The following GOLGA2 variants were observed in gnomAD, a reference collection of about 807,000 sequenced individuals.
GOLGA2 encodes the protein golgin A2, also known as golgin subfamily A member 2.
GOLGA2 carries 49 observed loss-of-function variants against 148.8 expected under a neutral mutation model. The ratio of observed to expected loss-of-function variants is 0.33; its 90% confidence interval spans 0.26 to 0.42. The LOEUF (loss-of-function observed/expected upper bound fraction) is 0.42. Among genes scored for constraint, GOLGA2 ranks in the 10% least tolerant of loss-of-function variants. GOLGA2 has a pLI of 1.00. For missense variants in GOLGA2, 1,178 were observed against 1,304.6 expected (o/e 0.90, Z 1.49); for synonymous variants, 501 against 511.8 (o/e 0.98, Z 0.28).
At position 128,275,881 on chromosome 9, in the gene GOLGA2, G is replaced by T. The variant is rs373778000; in HGVS notation, c.84+12C>A. 3.4e-6 allele frequency: 5 copies of T among 1,488,912 alleles called. No homozygotes were observed. The highest frequency in any genetic ancestry group is 4.6e-6 in the Non-Finnish European group (5 of 1,090,050). The allele number at this position is 1,488,912 out of a possible 1,614,324, so 92.2% of individuals were successfully genotyped here. A position where few individuals can be genotyped will look rare whatever the true frequency, so the allele number is the denominator to read the frequency against. ...GGGCTGGGTCGGGGGGCCGCGACCC[G>T]GTGCACTTTACCTTTTTCTTCGCTG... is the stretch of plus-strand genomic sequence containing the variant. On this transcript the variant is annotated intron_variant, in intron 1 of 26. Transcript: ENST00000611957.
intron 14 of GOLGA2, 122 bp downstream of exon 14, chr9:128,262,441 A>G: frequency 1.3e-6 from 1 of 774,934 alleles, no homozygotes. Context: ...TTATGCCAGG[A>G]CCGGAACAAG....
rs1830948094 is a variant in GOLGA2, at chr9:128,271,574, A to G, written c.288+1211T>C. Reference sequence around the variant, plus strand: ...TTCCTGAAAGGTGCTCTGTGAGTTCACACTCTGGCCACGGCCTCACCGCTC... The same window carrying G: ...TTCCTGAAAGGTGCTCTGTGAGTTCGCACTCTGGCCACGGCCTCACCGCTC... On this transcript the variant is annotated intron_variant, in intron 3 of 26. Transcript: ENST00000611957. The surrounding 1 kb of genome is among the most constrained non-coding windows in gnomAD (Gnocchi z 4.4). Among the ~76,000 whole-genome samples, 1 of 151,766 alleles carries G rather than the reference A, an allele frequency of 6.6e-6. No individual in the cohort carries two copies. The highest frequency in any genetic ancestry group is 1.5e-5 in the Non-Finnish European group (1 of 67,918).
chr9:128,268,599 G>A, intron 3 of GOLGA2, 75 bp from the exon 4 acceptor site: 2 of 760,754 alleles, frequency 2.6e-6, no homozygotes, highest in Non-Finnish European at 2.3e-6. Flanking sequence ...CAAGGGTGTG[G>A]AACAGGTAGG....
rs552030960 is a variant in GOLGA2, at chr9:128,258,798, G to C, written c.2173+209C>G. 1 of 619,202 alleles carries C rather than the reference G, an allele frequency of 1.6e-6. No homozygotes were observed. Among genetic ancestry groups the C allele is most frequent in the East Asian group, 2.7e-5 (1 of 36,638 alleles). 38.4% of individuals were successfully genotyped at this position (619,202 alleles called of 1,614,324 possible). A position where few individuals can be genotyped will look rare whatever the true frequency, so the allele number is the denominator to read the frequency against. Reference sequence around the variant, plus strand: ...GGGAGTTCTGACCTGCTTCATTTCTGACCTGGGCCAGTTCACCCATCCTTA... The same window carrying C: ...GGGAGTTCTGACCTGCTTCATTTCTCACCTGGGCCAGTTCACCCATCCTTA... On this transcript the variant is annotated intron_variant, in intron 21 of 26. Coordinates refer to ENST00000611957, the MANE Select transcript of GOLGA2 (RefSeq NM_001366244.2). The surrounding 1 kb of genome is among the most constrained non-coding windows in gnomAD (Gnocchi z 6.6).
In GOLGA2 at chr9:128,257,710, G is replaced by A. The variant is rs1201124302; in HGVS notation, c.2612-3C>T. 1.2e-6 allele frequency: 2 copies of A among 1,613,510 alleles called. No homozygotes were observed. Among genetic ancestry groups the A allele is most frequent in the Admixed American group, 1.7e-5 (1 of 60,022 alleles). ...CTGGTACAGTGCAATGTACTCTCCT[G>A]CGGGAGGACAGGGCTCAGATGCTGG... is the stretch of plus-strand genomic sequence containing the variant. On this transcript the variant is annotated splice_region_variant and splice_polypyrimidine_tract_variant and intron_variant, in intron 24 of 26. Coordinates refer to ENST00000611957, the MANE Select transcript of GOLGA2 (RefSeq NM_001366244.2). This position sits in a 1 kb window ranked among gnomAD's most constrained non-coding sequence, Gnocchi z 8.0.
In GOLGA2 at chr9:128,258,621, G is replaced by A. The variant is rs1468815477; in HGVS notation, c.2174-51C>T. On this transcript the variant is annotated intron_variant, in intron 21 of 26. Coordinates refer to ENST00000611957, the MANE Select transcript of GOLGA2 (RefSeq NM_001366244.2). This position sits in a 1 kb window ranked among gnomAD's most constrained non-coding sequence, Gnocchi z 6.6. ...CAGACAACCCAACAAGGGTACAGTGGGCCCACCTCTGCCCCCACCCTCACT... is the reference window on the plus strand; with the variant it reads ...CAGACAACCCAACAAGGGTACAGTGAGCCCACCTCTGCCCCCACCCTCACT... 1.5e-6 allele frequency: 2 copies of A among 1,368,278 alleles called. No individual in the cohort carries two copies. Among genetic ancestry groups the A allele is most frequent in the Non-Finnish European group, 2.0e-6 (2 of 989,040 alleles). The allele number at this position is 1,368,278 out of a possible 1,614,324, so 84.8% of individuals were successfully genotyped here.
In GOLGA2 at chr9:128,259,407, G is replaced by C; in HGVS notation, c.1873-16C>G. ...TCAGCTCCACCTGTAGGAAGACCCT[G>C]GGCGTGAGGGCAGGTGGTGGCCTGC... is the stretch of plus-strand genomic sequence containing the variant. On this transcript the variant is annotated splice_polypyrimidine_tract_variant and intron_variant, in intron 19 of 26. Transcript: ENST00000611957. 6.6e-7 allele frequency: 1 copy of C among 1,508,558 alleles called. No individual in the cohort carries two copies. Among genetic ancestry groups the C allele is most frequent in the Non-Finnish European group, 9.0e-7 (1 of 1,107,404 alleles). 93.4% of individuals were successfully genotyped at this position (1,508,558 alleles called of 1,614,324 possible).
rs1830939422 is a variant in GOLGA2, at chr9:128,271,428, C to G, written c.288+1357G>C. ...CTCTATTCGTGCCCTGCTCCTCTGG[C>G]TTGGCAGGAAGGAGTCCCCCAGGTG... On this transcript the variant is annotated intron_variant, in intron 3 of 26. Coordinates refer to ENST00000611957, the MANE Select transcript of GOLGA2 (RefSeq NM_001366244.2). The surrounding 1 kb of genome is among the most constrained non-coding windows in gnomAD (Gnocchi z 4.4). Among the ~76,000 whole-genome samples the G allele has an allele frequency of 6.6e-6, 1 of 152,204 alleles. No homozygotes were observed. Among genetic ancestry groups the G allele is most frequent in the Admixed American group, 6.5e-5 (1 of 15,286 alleles).
intron 2 of GOLGA2, among the ~76,000 whole-genome samples, chr9:128,273,142 C>T (rs1465394227): frequency 2.6e-5 from 4 of 152,172 alleles, no homozygotes; most frequent in African/African-American, 7.2e-5. Context: ...CCTGTTTGGA[C>T]CCTTCTCCTT....
At chr9:128,267,654 A>G in intron 6 of GOLGA2, 137 bp from the exon 7 acceptor site, 1 of 711,154 alleles carries the variant, frequency 1.4e-6, no homozygotes, top group South Asian at 1.6e-5. Context: ...CTTTGTGCCA[A>G]CTTCTCTCAT....
chr9:128,260,359 G>C lies in GOLGA2; in HGVS notation c.1758+106C>G. The C allele has an allele frequency of 1.8e-6, 2 of 1,119,174 alleles. No homozygotes were observed. Among genetic ancestry groups the C allele is most frequent in the Non-Finnish European group, 1.3e-6 (1 of 750,628 alleles). 69.3% of individuals were successfully genotyped at this position (1,119,174 alleles called of 1,614,324 possible). On this transcript the variant is annotated intron_variant, in intron 18 of 26. Transcript: ENST00000611957. This position sits in a 1 kb window ranked among gnomAD's most constrained non-coding sequence, Gnocchi z 4.8. ...GGGCTCTGGCTCACAGATGCCTCCA[G>C]AAGTACCATTTCAAGTGAGGGCTAC...
At chr9:128,269,579 C>A (rs951377822) in intron 3 of GOLGA2, among the ~76,000 whole-genome samples, 1 of 152,172 alleles carries the variant, frequency 6.6e-6, no homozygotes, top group Non-Finnish European at 1.5e-5. Context: ...TTGATCAGAG[C>A]CCCACCCAGC....
Position 128,257,577 on chromosome 9 carries a change from C to G in GOLGA2, c.2718+24G>C. 1 of 1,614,088 alleles carries G rather than the reference C, an allele frequency of 6.2e-7. No individual in the cohort carries two copies. Among genetic ancestry groups the G allele is most frequent in the East Asian group, 2.2e-5 (1 of 44,884 alleles). ...TGCCCATGCCCGTGCCCACCTCCAC[C>G]CCCAGAGATGTTCCACACCCTACCT... On this transcript the variant is annotated intron_variant, in intron 25 of 26. Coordinates refer to ENST00000611957, the MANE Select transcript of GOLGA2 (RefSeq NM_001366244.2). This position sits in a 1 kb window ranked among gnomAD's most constrained non-coding sequence, Gnocchi z 8.0.
intron 2 of GOLGA2, chr9:128,273,638 A>G (rs1831097546): frequency 1.7e-6 from 1 of 576,828 alleles, no homozygotes; most frequent in Admixed American, 3.3e-5. Context: ...AAACTTCACA[A>G]GTGTAAGTAA....
chr9:128,268,226 AG>A, intron 4 of GOLGA2, 66 bp from the exon 5 acceptor site: 1 of 1,403,910 alleles, frequency 7.1e-7, no homozygotes, highest in Non-Finnish European at 1.0e-6. Flanking sequence ...GGATGGGGTG[AG>A]TCAAGCTCCC....
rs761346021 is a variant in GOLGA2, at chr9:128,257,820, T to C, written c.2581A>G (p.Ile861Val). ...ERVEELEHRCIQLSGETDTIG... is the reference protein window; with the variant it reads ...ERVEELEHRCVQLSGETDTIG... ...GTGTCTGTCTCTCCAGAAAGCTGGATGCAGCGATGTTCCAGTTCCTCTACC... is the reference window on the plus strand; with the variant it reads ...GTGTCTGTCTCTCCAGAAAGCTGGACGCAGCGATGTTCCAGTTCCTCTACC... The change falls in exon 24 of 27, where the codon ATC (isoleucine) becomes GTC (valine). Residue 861 changes from isoleucine (I) to valine (V), a missense_variant. This residue lies in a region of GOLGA2 where 38 missense variants were observed against 67.3 expected (regional missense o/e 0.56). Coordinates refer to ENST00000611957, the MANE Select transcript of GOLGA2 (RefSeq NM_001366244.2). The surrounding 1 kb of genome is among the most constrained non-coding windows in gnomAD (Gnocchi z 8.0). 10 of 1,614,172 alleles carry C rather than the reference T, an allele frequency of 6.2e-6. No homozygotes were observed. Among genetic ancestry groups the C allele is most frequent in the East Asian group, 2.2e-5 (1 of 44,872 alleles).
Position 128,258,397 on chromosome 9 carries a change from G to A in GOLGA2, c.2289+58C>T, listed in dbSNP as rs1434012906. On this transcript the variant is annotated intron_variant, in intron 22 of 26. Coordinates refer to ENST00000611957, the MANE Select transcript of GOLGA2 (RefSeq NM_001366244.2). This position sits in a 1 kb window ranked among gnomAD's most constrained non-coding sequence, Gnocchi z 6.6. ...GCCGGGAAACCAAGAGCAGAAGGGG[G>A]TCTGGGAGGGACCACAGAGGGAGGC... The A allele has an allele frequency of 1.4e-6, 2 of 1,445,468 alleles. No homozygotes were observed. Among genetic ancestry groups the A allele is most frequent in the Non-Finnish European group, 9.7e-7 (1 of 1,028,278 alleles). The allele number at this position is 1,445,468 out of a possible 1,614,324, so 89.5% of individuals were successfully genotyped here. A position where few individuals can be genotyped will look rare whatever the true frequency, so the allele number is the denominator to read the frequency against.
intron 12 of GOLGA2, 76 bp downstream of exon 12, chr9:128,265,509 C>A (rs975138240): frequency 9.2e-7 from 1 of 1,086,906 alleles, no homozygotes; most frequent in African/African-American, 1.5e-5. Context: ...GTCAACCCTG[C>A]AGAAGGGACC....
At position 128,273,981 on chromosome 9, in the gene GOLGA2, A is replaced by C; in HGVS notation, c.85-9T>G. 1 of 1,609,980 alleles carries C rather than the reference A, an allele frequency of 6.2e-7. No homozygotes were observed. On this transcript the variant is annotated splice_polypyrimidine_tract_variant and intron_variant, in intron 1 of 26. Transcript: ENST00000611957. The stretch of plus-strand genomic sequence containing the variant: ...TGCTGATATTCTCTCAACTGTGGAA[A>C]AGAAGAGCAATAATATTCATGAGAT...
Sources: gnomAD v4.1 joint callset for allele counts (sites outside exome capture counted in the v4.1 genomes callset) on GRCh38, gnomAD v4.1.1 for gene constraint, gnomAD v4.1.1 regional missense constraint, Gnocchi (gnomAD v3.1) non-coding constraint, MANE v1.5 for transcripts, NCBI Gene and HGNC (gene_info 2026-07-23, HGNC 2026-07-21) for gene names.